The following GALNTL6 variants were observed in gnomAD, a reference collection of about 807,000 sequenced individuals.
GALNTL6 encodes polypeptide N-acetylgalactosaminyltransferase-like 6.
A neutral mutation model predicts 73.7 loss-of-function variants in GALNTL6; 46 were observed. The observed-to-expected ratio is 0.62, with a 90% CI of 0.49 to 0.80. The LOEUF (loss-of-function observed/expected upper bound fraction) is 0.80. GALNTL6 is among the 30% of genes least tolerant of loss of function. The pLI, the probability that GALNTL6 is intolerant of heterozygous loss-of-function variation, is 0.00. For synonymous variants in GALNTL6, 259 were observed against 263.7 expected, an observed-to-expected ratio of 0.98 and a Z score of 0.17; for missense variants, 604 against 755.0, an observed-to-expected ratio of 0.80 and a Z score of 2.34.
At chr4:172,330,843 AC>A (rs1473842599) in intron 4 of GALNTL6, among the ~76,000 whole-genome samples, 1 of 151,986 alleles carries the variant, frequency 6.6e-6, no homozygotes, top group Non-Finnish European at 1.5e-5. Context: ...CTTGCTGCTG[AC>A]TTACTGTTAG....
intron 5 of GALNTL6, among the ~76,000 whole-genome samples, chr4:172,516,210 T>G (rs1190350369): frequency 6.6e-6 from 1 of 152,198 alleles, no homozygotes; most frequent in East Asian, 1.9e-4. Context: ...TCAAATTACC[T>G]AGCACTTTGT....
intron 8 of GALNTL6, among the ~76,000 whole-genome samples, chr4:172,914,365 G>A (rs910307598): frequency 3.0e-4 from 45 of 152,238 alleles, no homozygotes; most frequent in Non-Finnish European, 4.9e-4. Flanking sequence ...ACCAGCTAAC[G>A]TCATAATGAC....
At chr4:172,413,655 GTTTTT>G (rs70944408) in intron 5 of GALNTL6, among the ~76,000 whole-genome samples, 1 of 126,214 alleles carries the variant, frequency 7.9e-6, no homozygotes, top group Non-Finnish European at 1.7e-5. Context: ...CTTTGTATTA[GTTTTT>G]TTTTTTTTTT....
In GALNTL6 at chr4:171,925,466, T is replaced by C. The variant is rs1422870006; in HGVS notation, c.138+110748T>C. 2.0e-5 allele frequency among the ~76,000 whole-genome samples: 3 copies of C among 152,032 alleles called. No individual in the cohort carries two copies. The East Asian group carries it at 5.8e-4, about 29-fold the overall frequency. On this transcript the variant is annotated intron_variant, in intron 2 of 12. Coordinates refer to ENST00000506823, the MANE Select transcript of GALNTL6 (RefSeq NM_001034845.3). ...AGGGAACCGTAAGAACAAATCAGAG[T>C]GGTGATTCATTACACTTAGAATTTG... is the stretch of plus-strand genomic sequence containing the variant.
At position 172,282,888 on chromosome 4, in the gene GALNTL6, G is replaced by A. The variant is rs189276292; in HGVS notation, c.248-28726G>A. ...AGGAAGATGTTTCCTAATTTCTCTG[G>A]CTGAGCGATTTGGTGCATGATACGG... On this transcript the variant is annotated intron_variant, in intron 3 of 12. Transcript: ENST00000506823. Among the ~76,000 whole-genome samples the A allele has an allele frequency of 5.9e-5, 9 of 152,222 alleles. No homozygotes were observed. In the East Asian group the frequency reaches 1.7e-3, roughly 29 times the overall value.
chr4:172,898,200 C>T (rs1746430018), intron 8 of GALNTL6, among the ~76,000 whole-genome samples: 1 of 151,886 alleles, frequency 6.6e-6, no homozygotes, highest in Non-Finnish European at 1.5e-5. Flanking sequence ...AGCTCTTCTT[C>T]ATATGTCTCA....
At chr4:172,452,768 A>T (rs1732257548) in intron 5 of GALNTL6, among the ~76,000 whole-genome samples, 1 of 152,234 alleles carries the variant, frequency 6.6e-6, no homozygotes, top group Non-Finnish European at 1.5e-5. Context: ...TGTTAGTACA[A>T]ATATTTTCTG....
intron 2 of GALNTL6, among the ~76,000 whole-genome samples, chr4:172,015,897 G>A (rs1741176216): frequency 1.4e-5 from 2 of 139,950 alleles, no homozygotes; most frequent in South Asian, 4.7e-4. Flanking sequence ...GCTACCTGCT[G>A]AGAAATCAGC....
chr4:172,662,209 G>C (rs1253567325), intron 5 of GALNTL6, among the ~76,000 whole-genome samples: 1 of 152,188 alleles, frequency 6.6e-6, no homozygotes, highest in Admixed American at 6.5e-5. Flanking sequence ...AAAGAAGAGG[G>C]ATCATTTCTA....
intron 2 of GALNTL6, among the ~76,000 whole-genome samples, chr4:171,995,499 C>A (rs1467040178): frequency 6.6e-6 from 1 of 151,752 alleles, no homozygotes; most frequent in African/African-American, 2.4e-5. Flanking sequence ...GTAATGAATG[C>A]AATACATTTT....
At chr4:172,856,608 T>G (rs1349934098) in intron 7 of GALNTL6, among the ~76,000 whole-genome samples, 2 of 151,384 alleles carry the variant, frequency 1.3e-5, no homozygotes, top group Non-Finnish European at 2.9e-5. Flanking sequence ...TTTTGTGGAC[T>G]GATAAAACAT....
At chr4:171,928,859 T>C (rs1400474361) in intron 2 of GALNTL6, among the ~76,000 whole-genome samples, 2 of 152,176 alleles carry the variant, frequency 1.3e-5, no homozygotes, top group Non-Finnish European at 2.9e-5. Context: ...TCTGGGTTAT[T>C]GTAAGTACAC....
chr4:172,476,262 A>G (rs1733226479), intron 5 of GALNTL6, among the ~76,000 whole-genome samples: 1 of 152,232 alleles, frequency 6.6e-6, no homozygotes, highest in Non-Finnish European at 1.5e-5. Context: ...GCTGTGTTCT[A>G]ACATGGCAGA....
chr4:171,907,176 A>G (rs1442564796), intron 2 of GALNTL6, among the ~76,000 whole-genome samples: 2 of 152,114 alleles, frequency 1.3e-5, no homozygotes, highest in Non-Finnish European at 2.9e-5. Flanking sequence ...AATAAAGGGT[A>G]TTCAATTAGG....
chr4:171,972,224 T>C (rs1023744876), intron 2 of GALNTL6, among the ~76,000 whole-genome samples: 10 of 152,232 alleles, frequency 6.6e-5, no homozygotes, highest in African/African-American at 2.4e-4. Context: ...TATGTGTGTG[T>C]GCATATAGCA....
chr4:172,938,138 C>CCTCT (rs1748720631), intron 9 of GALNTL6, among the ~76,000 whole-genome samples: 1 of 152,118 alleles, frequency 6.6e-6, no homozygotes, highest in Admixed American at 6.5e-5. Flanking sequence ...TGTGGTTGTG[C>CCTCT]CTCTGTAAGC....
At chr4:172,917,510 G>T (rs1292642842) in intron 8 of GALNTL6, among the ~76,000 whole-genome samples, 1 of 151,870 alleles carries the variant, frequency 6.6e-6, no homozygotes, top group Non-Finnish European at 1.5e-5. Flanking sequence ...CTGACAAAGG[G>T]TTAATATCCA....
intron 3 of GALNTL6, among the ~76,000 whole-genome samples, chr4:172,297,671 G>A (rs1284777420): frequency 6.6e-6 from 1 of 152,056 alleles, no homozygotes; most frequent in African/African-American, 2.4e-5. Context: ...TAGATATGTG[G>A]CATTATTTCT....
intron 10 of GALNTL6, among the ~76,000 whole-genome samples, chr4:172,989,981 T>G (rs144596228): frequency 1.0e-3 from 157 of 152,322 alleles, no homozygotes; most frequent in African/African-American, 3.3e-3. Flanking sequence ...TATGATTGGA[T>G]GAATATCTCT....
Sources: allele counts gnomAD v4.1 joint callset (sites outside exome capture counted in the v4.1 genomes callset), GRCh38; gene constraint gnomAD v4.1.1; transcripts MANE v1.5; gene names NCBI Gene and HGNC (gene_info 2026-07-23, HGNC 2026-07-21).